ENTHD1: variants seen among roughly 807,000 people sequenced by gnomAD.
The protein encoded by ENTHD1 is ENTH domain containing 1.
ENTHD1 carries 23 observed loss-of-function variants against 39.1 expected under a neutral mutation model. The observed-to-expected ratio is 0.59, with a 90% CI of 0.42 to 0.83. The LOEUF (loss-of-function observed/expected upper bound fraction) is 0.83. ENTHD1 is among the 40% of genes least tolerant of loss of function. The pLI is 0.00. For missense variants in ENTHD1, 624 were observed against 705.4 expected, an observed-to-expected ratio of 0.88 and a Z score of 1.31; for synonymous variants, 230 against 258.2, an observed-to-expected ratio of 0.89 and a Z score of 1.05.
intron 3 of ENTHD1, among the ~76,000 whole-genome samples, chr22:39,846,831 A>T (rs1208348026): frequency 6.6e-6 from 1 of 152,164 alleles, no homozygotes; most frequent in African/African-American, 2.4e-5. Context: ...ATGCAAATCA[A>T]AACCACAATG....
chr22:39,887,682 C>T lies in ENTHD1; in HGVS notation c.67G>A (p.Glu23Lys), dbSNP rs1652839203. The change falls in exon 2 of 7, where the codon GAA (glutamate) becomes AAA (lysine). Residue 23 changes from glutamate (E) to lysine (K), a missense_variant. Glu to Lys is a moderately conservative substitution (Grantham distance 56). Coordinates refer to ENST00000325157, the MANE Select transcript of ENTHD1 (RefSeq NM_152512.4). Reference protein sequence around the residue: ...NYSDAEIKVREATSNDPWGPS... With the variant: ...NYSDAEIKVRKATSNDPWGPS... ...CCCCAAGGGTCGTTAGAAGTTGCTT[C>T]CCTGACTTTTATTTCAGCATCTGAG... 6.3e-7 allele frequency: 1 copy of T among 1,599,946 alleles called. No homozygotes were observed. Among genetic ancestry groups the T allele is most frequent in the Non-Finnish European group, 8.5e-7 (1 of 1,174,856 alleles).
At position 39,751,978 on chromosome 22, in the gene ENTHD1, G is replaced by A. The variant is rs182559679; in HGVS notation, c.1220-7695C>T. On this transcript the variant is annotated intron_variant, in intron 6 of 6. Coordinates refer to ENST00000325157, the MANE Select transcript of ENTHD1 (RefSeq NM_152512.4). ...GAAAAATTTAACATTTTACACAAAT[G>A]TTTGTGGCAGAATTATTTGTAATAG... Among the ~76,000 whole-genome samples the A allele has an allele frequency of 1.7e-3, 264 of 152,074 alleles. 2 individuals are homozygous for A. Among genetic ancestry groups the A allele is most frequent in the Middle Eastern group, 6.9e-3 (2 of 290 alleles).
chr22:39,803,640 A>G (rs990893243), intron 5 of ENTHD1, among the ~76,000 whole-genome samples: 1 of 152,070 alleles, frequency 6.6e-6, no homozygotes, highest in Admixed American at 6.5e-5. Context: ...TACAATTAAC[A>G]CCTAGATGCT....
chr22:39,749,694 T>C (rs2146532457), intron 6 of ENTHD1, among the ~76,000 whole-genome samples: 1 of 152,362 alleles, frequency 6.6e-6, no homozygotes, highest in African/African-American at 2.4e-5. Flanking sequence ...TCAAGTTAAC[T>C]ATATACAAAT....
Position 39,867,306 on chromosome 22 carries a change from G to T in ENTHD1, c.350-5299C>A, listed in dbSNP as rs1312624655. On this transcript the variant is annotated intron_variant, in intron 2 of 6. Coordinates refer to ENST00000325157, the MANE Select transcript of ENTHD1 (RefSeq NM_152512.4). This position sits in a 1 kb window ranked among gnomAD's most constrained non-coding sequence, Gnocchi z 4.5. ...TGAGATGCACCACTAGGAAAAATAT[G>T]TATCAGAAGATCTTTATACTAAAAC... Among the ~76,000 whole-genome samples the T allele has an allele frequency of 6.6e-6, 1 of 152,154 alleles. No individual in the cohort carries two copies. Among genetic ancestry groups the T allele is most frequent in the Non-Finnish European group, 1.5e-5 (1 of 68,038 alleles).
rs186135030 is a variant in ENTHD1 at position 39,823,086 on chromosome 22, G to A, written c.712-1973C>T. On this transcript the variant is annotated intron_variant, in intron 4 of 6. Coordinates refer to ENST00000325157, the MANE Select transcript of ENTHD1 (RefSeq NM_152512.4). ...TAATCTCTCCTTCATTTCTATAGTTGTGACATTTGAAGAATGCTATATAAA... is the reference window on the plus strand; with the variant it reads ...TAATCTCTCCTTCATTTCTATAGTTATGACATTTGAAGAATGCTATATAAA... Among the ~76,000 whole-genome samples the A allele has an allele frequency of 3.1e-3, 469 of 152,254 alleles. 4 individuals are homozygous for A. Among genetic ancestry groups the A allele is most frequent in the Middle Eastern group, 6.8e-3 (2 of 294 alleles).
chr22:39,790,607 G>C (rs1204102101), intron 5 of ENTHD1, among the ~76,000 whole-genome samples: 1 of 152,160 alleles, frequency 6.6e-6, no homozygotes, highest in Non-Finnish European at 1.5e-5. Context: ...GCTTTGACCA[G>C]CTTGGGGCAC....
chr22:39,861,471 C>T (rs949080751), intron 3 of ENTHD1, among the ~76,000 whole-genome samples: 2 of 152,070 alleles, frequency 1.3e-5, no homozygotes, highest in Admixed American at 1.3e-4. Context: ...ACCCAGGAGA[C>T]AGAGGTTGCA....
intron 4 of ENTHD1, among the ~76,000 whole-genome samples, chr22:39,825,619 A>G (rs1394671493): frequency 6.6e-6 from 1 of 151,806 alleles, no homozygotes; most frequent in Non-Finnish European, 1.5e-5. Context: ...TTTTAAAATG[A>G]TTGTAGAACT....
At chr22:39,820,818 G>A (rs1454276406) in intron 5 of ENTHD1, among the ~76,000 whole-genome samples, 175 bp downstream of exon 5, 1 of 152,184 alleles carries the variant, frequency 6.6e-6, no homozygotes, top group African/African-American at 2.4e-5. Context: ...AGTAAAACAG[G>A]AAGAGAGAAA....
chr22:39,749,695 A>G (rs2065133775), intron 6 of ENTHD1, among the ~76,000 whole-genome samples: 1 of 152,234 alleles, frequency 6.6e-6, no homozygotes, highest in Non-Finnish European at 1.5e-5. Flanking sequence ...CAAGTTAACT[A>G]TATACAAATT....
intron 6 of ENTHD1, chr22:39,751,137 T>A (rs972390911): frequency 6.5e-6 from 1 of 153,542 alleles, no homozygotes; most frequent in African/African-American, 2.4e-5. Flanking sequence ...AAAAAGATGA[T>A]TCATTTGAGA....
chr22:39,814,849 T>C (rs929833492), intron 5 of ENTHD1, among the ~76,000 whole-genome samples: 1 of 152,064 alleles, frequency 6.6e-6, no homozygotes, highest in African/African-American at 2.4e-5. Flanking sequence ...AAGAATTTCT[T>C]AAAATAACAC....
intron 5 of ENTHD1, among the ~76,000 whole-genome samples, chr22:39,808,078 C>A (rs137890964): frequency 1.7e-3 from 255 of 152,232 alleles, no homozygotes; most frequent in African/African-American, 5.8e-3. Context: ...TTTTAAAAAT[C>A]TCTTTGTGGA....
At chr22:39,839,051 G>C (rs756328721) in intron 3 of ENTHD1, among the ~76,000 whole-genome samples, 1 of 151,392 alleles carries the variant, frequency 6.6e-6, no homozygotes, top group Non-Finnish European at 1.5e-5. Context: ...CTTTTCTTTT[G>C]TCCTTAATGT....
At chr22:39,804,670 C>T (rs1413024174) in intron 5 of ENTHD1, among the ~76,000 whole-genome samples, 1 of 152,068 alleles carries the variant, frequency 6.6e-6, no homozygotes, top group Non-Finnish European at 1.5e-5. Flanking sequence ...GAAAGGATAA[C>T]AAGTGGAGGA....
intron 5 of ENTHD1, among the ~76,000 whole-genome samples, chr22:39,793,789 G>C (rs750208649): frequency 6.6e-5 from 10 of 152,086 alleles, no homozygotes; most frequent in Non-Finnish European, 1.0e-4. Context: ...ATTTATTTCT[G>C]TGTTCTCTCT....
Position 39,743,748 on chromosome 22 carries a change from C to G in ENTHD1, c.1755G>C (p.Leu585=), listed in dbSNP as rs2064847612. 6.2e-7 allele frequency: 1 copy of G among 1,614,146 alleles called. No homozygotes were observed. The highest frequency in any genetic ancestry group is 1.1e-5 in the South Asian group (1 of 91,076). Residue 585 remains leucine (L), a synonymous_variant, in exon 7 of 7, where the codon CTG becomes CTC. Transcript: ENST00000325157. The part of the protein sequence containing the change: ...VINNILMSMS[L]NSSQISQSSQ... ...AAGACTGGCTTATTTGTGAACTATT[C>G]AGACTCATGCTCATCAAGATGTTAT...
intron 4 of ENTHD1, among the ~76,000 whole-genome samples, chr22:39,834,832 C>G (rs78458662): frequency 6.6e-6 from 1 of 152,114 alleles, no homozygotes; most frequent in African/African-American, 2.4e-5. Flanking sequence ...AACCTGTCGG[C>G]CCCCCAGGAG....
Sources: gnomAD v4.1 joint callset for allele counts (sites outside exome capture counted in the v4.1 genomes callset) on GRCh38, gnomAD v4.1.1 for gene constraint, Gnocchi (gnomAD v3.1) non-coding constraint, MANE v1.5 for transcripts, NCBI Gene and HGNC (gene_info 2026-07-23, HGNC 2026-07-21) for gene names.